The following GRM7 variants were observed in gnomAD, a reference collection of about 807,000 sequenced individuals.
The protein encoded by GRM7 is metabotropic glutamate receptor 7.
In GRM7, 35 loss-of-function variants were observed where a neutral mutation model predicts 84.5. That is an observed-to-expected ratio of 0.41 (90% CI 0.32 to 0.55). The LOEUF (loss-of-function observed/expected upper bound fraction) is 0.55. GRM7 is among the 20% of genes least tolerant of loss of function. GRM7 has a pLI of 0.19. For synonymous variants in GRM7, 487 were observed against 455.1 expected (o/e 1.07, Z -0.89); for missense variants, 1,003 against 1,194.6 (o/e 0.84, Z 2.36).
At chr3:7,008,876 C>G (rs959291042) in intron 1 of GRM7, among the ~76,000 whole-genome samples, 1 of 152,048 alleles carries the variant, frequency 6.6e-6, no homozygotes, top group African/African-American at 2.4e-5. Flanking sequence ...ATTAATAGCA[C>G]AAATTTAAAA....
chr3:7,121,826 A>G (rs916309189), intron 1 of GRM7, among the ~76,000 whole-genome samples: 3 of 152,158 alleles, frequency 2.0e-5, no homozygotes, highest in African/African-American at 7.2e-5. Context: ...TTAATCCCCA[A>G]CGCAACATAT....
At chr3:7,063,827 T>A (rs75364585) in intron 1 of GRM7, among the ~76,000 whole-genome samples, 1 of 151,728 alleles carries the variant, frequency 6.6e-6, no homozygotes, top group South Asian at 2.1e-4. Context: ...GTCTGCATAT[T>A]TTTCATAAGA....
chr3:6,879,406 C>T (rs1695427639), intron 1 of GRM7, among the ~76,000 whole-genome samples: 1 of 152,150 alleles, frequency 6.6e-6, no homozygotes, highest in African/African-American at 2.4e-5. Context: ...TGTGGCGATA[C>T]ATTTGAAATT....
intron 1 of GRM7, among the ~76,000 whole-genome samples, chr3:7,123,600 G>A (rs376389552): frequency 6.6e-6 from 1 of 151,858 alleles, no homozygotes; most frequent in Admixed American, 6.6e-5. Context: ...GCCTGGGCAA[G>A]AGTGAAGCTC....
At chr3:7,225,858 C>T (rs919143608) in intron 2 of GRM7, among the ~76,000 whole-genome samples, 17 of 151,934 alleles carry the variant, frequency 1.1e-4, no homozygotes, top group Admixed American at 9.8e-4. Context: ...GGAATATCAC[C>T]TCATTTAATA....
chr3:7,107,919 G>A (rs1460053654), intron 1 of GRM7, among the ~76,000 whole-genome samples: 2 of 151,988 alleles, frequency 1.3e-5, no homozygotes, highest in East Asian at 3.9e-4. Flanking sequence ...AAAAAAAGAC[G>A]AGAAAAGAGA....
intron 4 of GRM7, among the ~76,000 whole-genome samples, chr3:7,343,842 G>C (rs184331351): frequency 3.3e-5 from 5 of 152,240 alleles, no homozygotes; most frequent in Admixed American, 3.3e-4. Context: ...TGTGTCTACA[G>C]TCATGCAGTT....
At chr3:7,344,995 C>G (rs1023553463) in intron 4 of GRM7, among the ~76,000 whole-genome samples, 1 of 152,136 alleles carries the variant, frequency 6.6e-6, no homozygotes, top group African/African-American at 2.4e-5. Flanking sequence ...GATCATTACA[C>G]ATTATACACA....
chr3:7,029,390 C>T (rs2124924975), intron 1 of GRM7, among the ~76,000 whole-genome samples: 1 of 151,608 alleles, frequency 6.6e-6, no homozygotes. Context: ...TAATTGGCGG[C>T]AGGGACTCAA....
chr3:6,896,288 T>C (rs1696179657), intron 1 of GRM7, among the ~76,000 whole-genome samples: 1 of 152,192 alleles, frequency 6.6e-6, no homozygotes, highest in African/African-American at 2.4e-5. Context: ...AACATGTTTA[T>C]GGGCTGGCTC....
At chr3:6,893,314 A>T (rs1696042529) in intron 1 of GRM7, among the ~76,000 whole-genome samples, 1 of 152,144 alleles carries the variant, frequency 6.6e-6, no homozygotes, top group Non-Finnish European at 1.5e-5. Context: ...TGGTTGAACT[A>T]AGATGTCTTA....
intron 8 of GRM7, among the ~76,000 whole-genome samples, chr3:7,626,245 G>A (rs1016378479): frequency 1.3e-4 from 20 of 152,092 alleles, no homozygotes; most frequent in African/African-American, 4.8e-4. Context: ...TTGCTACTGG[G>A]TAGAAGCTAG....
At position 6,862,622 on chromosome 3, in the gene GRM7, G is replaced by T. The variant is rs1694793972; in HGVS notation, c.519+715G>T. 1 of 204,686 alleles carries T rather than the reference G, an allele frequency of 4.9e-6. No homozygotes were observed. Among genetic ancestry groups the T allele is most frequent in the Non-Finnish European group, 9.9e-6 (1 of 100,768 alleles). The allele number at this position is 204,686 out of a possible 1,614,324, so 12.7% of individuals were successfully genotyped here. On this transcript the variant is annotated intron_variant, in intron 1 of 9. Transcript: ENST00000357716. This position sits in a 1 kb window ranked among gnomAD's most constrained non-coding sequence, Gnocchi z 5.2. ...AATTACATGTGCGATCCGGCCACTG[G>T]CCGGAGCTGGGCGATCAGCTTTCCA... is the stretch of plus-strand genomic sequence containing the variant.
At chr3:7,686,493 C>G (rs187455430) in intron 9 of GRM7, 1 of 821,566 alleles carries the variant, frequency 1.2e-6, no homozygotes, top group African/African-American at 1.7e-5. Flanking sequence ...GTTCTTGTCT[C>G]CAATGAGAAT....
At chr3:7,449,898 A>AT (rs1183490229) in intron 5 of GRM7, among the ~76,000 whole-genome samples, 1 of 152,104 alleles carries the variant, frequency 6.6e-6, no homozygotes, top group African/African-American at 2.4e-5. Flanking sequence ...AAGTGGGCTC[A>AT]TTTTTTTCTA....
At chr3:7,261,432 T>C (rs1234026497) in intron 2 of GRM7, among the ~76,000 whole-genome samples, 1 of 152,330 alleles carries the variant, frequency 6.6e-6, no homozygotes, top group Non-Finnish European at 1.5e-5. Flanking sequence ...TTTTTTCTGT[T>C]ATCCATTTGC....
chr3:7,414,624 A>C (rs2125179541), intron 4 of GRM7, among the ~76,000 whole-genome samples: 1 of 152,270 alleles, frequency 6.6e-6, no homozygotes, highest in African/African-American at 2.4e-5. Flanking sequence ...TTTTCCTTCT[A>C]ATTTGACTAG....
At chr3:7,461,857 A>G (rs1253802811) in intron 7 of GRM7, 135 bp downstream of exon 7, 3 of 738,526 alleles carry the variant, frequency 4.1e-6, no homozygotes, top group East Asian at 2.5e-5. Flanking sequence ...TGTGGGCATC[A>G]GCAGGAACTG....
chr3:7,152,404 T>C (rs536795811), intron 2 of GRM7, among the ~76,000 whole-genome samples: 2 of 152,334 alleles, frequency 1.3e-5, no homozygotes, highest in East Asian at 3.9e-4. Context: ...GGTTTCCTCT[T>C]CCACAGAGGA....
Sources: gnomAD v4.1 joint callset for allele counts (sites outside exome capture counted in the v4.1 genomes callset) on GRCh38, gnomAD v4.1.1 for gene constraint, Gnocchi (gnomAD v3.1) non-coding constraint, MANE v1.5 for transcripts, NCBI Gene and HGNC (gene_info 2026-07-23, HGNC 2026-07-21) for gene names.